The following MLXIP variants were observed in gnomAD, a reference collection of about 807,000 sequenced individuals.
MLXIP encodes the protein MLX-interacting protein.
A neutral mutation model predicts 87.2 loss-of-function variants in MLXIP; 30 were observed. That is an observed-to-expected ratio of 0.34 (90% CI 0.26 to 0.47). The LOEUF is 0.47. Ranked by LOEUF, MLXIP falls within the 20% of genes least tolerant of loss-of-function variation. The probability of loss-of-function intolerance (pLI) is 1.00; values close to 1 mark genes in which losing one functional copy is unlikely to be tolerated. For synonymous variants in MLXIP, 530 were observed against 514.0 expected, an observed-to-expected ratio of 1.03 and a Z score of -0.42; for missense variants, 1,002 against 1,240.1, an observed-to-expected ratio of 0.81 and a Z score of 2.88.
intron 1 of MLXIP, among the ~76,000 whole-genome samples, chr12:122,114,185 C>T (rs1437799278): frequency 6.6e-6 from 1 of 150,692 alleles, no homozygotes; most frequent in Non-Finnish European, 1.5e-5. Flanking sequence ...AGGGTTTCAT[C>T]ATGTTGGCCA....
chr12:122,136,816 TGG>T (rs1433887238), intron 11 of MLXIP: 1 of 152,194 alleles, frequency 6.6e-6, no homozygotes, highest in Non-Finnish European at 1.5e-5. Context: ...ACAAGAGAGT[TGG>T]GAGTCAGGCC....
rs1172242016 is a variant in MLXIP, at chr12:122,138,196, C to T, written c.2157C>T (p.Asn719=). The change falls in exon 13 of 17, where the codon AAC becomes AAT. Residue 719 remains asparagine, a splice_region_variant and synonymous_variant. Transcript: ENST00000319080. The part of the protein sequence containing the change: ...SDPKNVAALK[N]RQMKHISAEQ... The stretch of plus-strand genomic sequence containing the variant: ...GTGACCAGCGGGTTCTCCAGCAGAA[C>T]CGGCAGATGAAGCACATCTCAGCTG... The T allele has an allele frequency of 5.6e-6, 9 of 1,600,022 alleles. No homozygotes were observed. The highest frequency in any genetic ancestry group is 5.2e-5 in the Admixed American group (3 of 57,788).
chr12:122,112,576 G>A (rs28685167), intron 1 of MLXIP, among the ~76,000 whole-genome samples: 2,896 of 152,098 alleles, frequency 0.019, 96 homozygotes, highest in African/African-American at 0.067. Context: ...GAACCCAGGA[G>A]GCAGAGCTTG....
In MLXIP at chr12:122,094,498, CTGTG is replaced by C. The variant is rs1211543507; in HGVS notation, c.413+15239_413+15242del. 5.9e-3 allele frequency among the ~76,000 whole-genome samples: 727 copies of C among 122,968 alleles called. 7 individuals are homozygous for C. The highest frequency in any genetic ancestry group is 0.021 in the African/African-American group (633 of 30,444). 80.7% of individuals were successfully genotyped at this position (122,968 alleles called of 152,430 possible). A position where few individuals can be genotyped will look rare whatever the true frequency, so the allele number is the denominator to read the frequency against. On this transcript the variant is annotated intron_variant, in intron 1 of 16. Coordinates refer to ENST00000319080, the MANE Select transcript of MLXIP (RefSeq NM_014938.6). Reference sequence around the variant, plus strand: ...GTGTGTGGGTGTGTGTTTGCAATGTCTGTGTGTGTGGTGTGTTGGTGTGTGTGTT... The same window carrying C: ...GTGTGTGGGTGTGTGTTTGCAATGTCTGTGTGGTGTGTTGGTGTGTGTGTT...
intron 1 of MLXIP, among the ~76,000 whole-genome samples, 192 bp downstream of exon 1, chr12:122,079,458 C>T (rs1952060329): frequency 6.6e-6 from 1 of 152,220 alleles, no homozygotes; most frequent in Non-Finnish European, 1.5e-5. Flanking sequence ...TCTTCCCCTG[C>T]CAGCAGTGCC....
At chr12:122,128,065 G>C in intron 3 of MLXIP, 97 bp downstream of exon 3, 5 of 1,098,642 alleles carry the variant, frequency 4.6e-6, no homozygotes, top group Non-Finnish European at 5.5e-6. Context: ...AGAGGCTGCC[G>C]AGGGTAGTGC....
rs562551704 is a variant in MLXIP at position 122,124,758 on chromosome 12, C to T, written c.414-2498C>T. Among the ~76,000 whole-genome samples the T allele has an allele frequency of 3.3e-5, 5 of 152,032 alleles. No individual in the cohort carries two copies. In the South Asian group the frequency reaches 6.2e-4, roughly 19 times the overall value. ...TTTTAATTATGCCTTTTGCCAGGCACGGTGGTGCATGCCTGTAATCCTACC... is the reference window on the plus strand; with the variant it reads ...TTTTAATTATGCCTTTTGCCAGGCATGGTGGTGCATGCCTGTAATCCTACC... On this transcript the variant is annotated intron_variant, in intron 1 of 16. Coordinates refer to ENST00000319080, the MANE Select transcript of MLXIP (RefSeq NM_014938.6).
At chr12:122,104,082 AAGAGGG>A (rs1414057018) in intron 1 of MLXIP, among the ~76,000 whole-genome samples, 4 of 152,198 alleles carry the variant, frequency 2.6e-5, no homozygotes, top group African/African-American at 9.7e-5. Context: ...AGTGTTATTT[AAGAGGG>A]TCCAACTCCT....
chr12:122,096,335 C>T (rs1015915005), intron 1 of MLXIP, among the ~76,000 whole-genome samples: 8 of 152,036 alleles, frequency 5.3e-5, no homozygotes, highest in African/African-American at 1.4e-4. Context: ...GAGAATATTT[C>T]GCTGGTGTTT....
chr12:122,114,024 T>C (rs978710248), intron 1 of MLXIP, among the ~76,000 whole-genome samples: 1 of 147,074 alleles, frequency 6.8e-6, no homozygotes, highest in Non-Finnish European at 1.5e-5. Context: ...TCACTCTTGT[T>C]GCCCAGGCTA....
chr12:122,110,349 G>A (rs1032495158), intron 1 of MLXIP, among the ~76,000 whole-genome samples: 3 of 152,008 alleles, frequency 2.0e-5, no homozygotes, highest in South Asian at 2.1e-4. Flanking sequence ...GTGCAATGGC[G>A]CGGTCTTGGG....
chr12:122,083,586 G>C (rs1341878841), intron 1 of MLXIP, among the ~76,000 whole-genome samples: 1 of 152,008 alleles, frequency 6.6e-6, no homozygotes, highest in Non-Finnish European at 1.5e-5. Flanking sequence ...GACTAATTTT[G>C]TATTTTTAGT....
At position 122,138,305 on chromosome 12, in the gene MLXIP, C is replaced by T; in HGVS notation, c.2256+10C>T. On this transcript the variant is annotated intron_variant, in intron 13 of 16. Coordinates refer to ENST00000319080, the MANE Select transcript of MLXIP (RefSeq NM_014938.6). The stretch of plus-strand genomic sequence containing the variant: ...CAACAATTCCAAGCTGGTGAGTTGC[C>T]AAGAGCGTGGGCTGTGGCAGGGCAG... The T allele has an allele frequency of 1.2e-6, 2 of 1,613,730 alleles. No homozygotes were observed. The highest frequency in any genetic ancestry group is 1.7e-6 in the Non-Finnish European group (2 of 1,179,774).
At chr12:122,130,225 T>A in intron 6 of MLXIP, 113 bp downstream of exon 6, 2 of 1,116,680 alleles carry the variant, frequency 1.8e-6, no homozygotes, top group South Asian at 1.6e-5. Context: ...CACGTCACGG[T>A]TGGGGGCAGG....
intron 15 of MLXIP, 131 bp from the exon 16 acceptor site, chr12:122,140,823 C>T (rs1003019167): frequency 1.2e-5 from 17 of 1,391,280 alleles, no homozygotes; most frequent in Non-Finnish European, 1.7e-5. Flanking sequence ...CCTCTTTTCC[C>T]CAGTGATCCA....
intron 9 of MLXIP, chr12:122,134,269 A>G (rs1461931886): frequency 2.4e-6 from 1 of 412,028 alleles, no homozygotes; most frequent in Non-Finnish European, 4.3e-6. Flanking sequence ...ATCTCGGCTC[A>G]CTGCAACCGC....
At chr12:122,103,202 T>TG (rs879899106) in intron 1 of MLXIP, among the ~76,000 whole-genome samples, 61 of 14,332 alleles carry the variant, frequency 4.3e-3, no homozygotes, top group Middle Eastern at 0.083. Flanking sequence ...TATGTATGTA[T>TG]TTATTTATTT....
At chr12:122,131,685 C>T (rs1952981771) in intron 7 of MLXIP, among the ~76,000 whole-genome samples, 1 of 151,842 alleles carries the variant, frequency 6.6e-6, no homozygotes, top group South Asian at 2.1e-4. Context: ...CTCTGCTTCC[C>T]AAAGTGCTGG....
intron 1 of MLXIP, among the ~76,000 whole-genome samples, chr12:122,103,399 A>G (rs1952469054): frequency 1.3e-5 from 2 of 151,438 alleles, no homozygotes. Flanking sequence ...TAATTTTTGT[A>G]TTTTTAGTAG....
Sources: gnomAD v4.1 joint callset for allele counts (sites outside exome capture counted in the v4.1 genomes callset) on GRCh38, gnomAD v4.1.1 for gene constraint, MANE v1.5 for transcripts, NCBI Gene and HGNC (gene_info 2026-07-23, HGNC 2026-07-21) for gene names.